The following DNAJC5B variants were observed in gnomAD, a reference collection of about 807,000 sequenced individuals.
The protein encoded by DNAJC5B is DnaJ heat shock protein family (Hsp40) member C5 beta, also known as dnaJ homolog subfamily C member 5B.
A neutral mutation model predicts 24.7 loss-of-function variants in DNAJC5B; 23 were observed. The observed-to-expected ratio is 0.93, with a 90% CI of 0.67 to 1.32. The LOEUF (loss-of-function observed/expected upper bound fraction) is 1.32. Ranked by LOEUF, DNAJC5B falls within the 40% of genes most tolerant of loss-of-function variation. The pLI, the probability that DNAJC5B is intolerant of heterozygous loss-of-function variation, is 0.00. For missense variants in DNAJC5B, 238 were observed against 240.8 expected, an observed-to-expected ratio of 0.99 and a Z score of 0.08; for synonymous variants, 101 against 90.1, an observed-to-expected ratio of 1.12 and a Z score of -0.68.
At chr8:66,065,532 C>T (rs957999925) in intron 3 of DNAJC5B, among the ~76,000 whole-genome samples, 4 of 152,228 alleles carry the variant, frequency 2.6e-5, no homozygotes, top group East Asian at 1.9e-4. Flanking sequence ...GGCCCAGTGG[C>T]TCCTGAGTCC....
upstream of DNAJC5B, among the ~76,000 whole-genome samples, chr8:66,019,241 G>A (rs1358455372): frequency 6.6e-6 from 1 of 152,220 alleles, no homozygotes; most frequent in Non-Finnish European, 1.5e-5. Flanking sequence ...GGAATACCCT[G>A]TTCTAAGCAA....
intron 3 of DNAJC5B, among the ~76,000 whole-genome samples, chr8:66,058,908 T>C (rs1807024311): frequency 6.6e-6 from 1 of 152,184 alleles, no homozygotes; most frequent in Admixed American, 6.5e-5. Flanking sequence ...TCTTTTTTTT[T>C]CAAGGGATGC....
intron 3 of DNAJC5B, among the ~76,000 whole-genome samples, chr8:66,065,930 G>A (rs940326780): frequency 1.3e-5 from 2 of 152,158 alleles, no homozygotes; most frequent in African/African-American, 4.8e-5. Context: ...AACTATAAAA[G>A]CTTGAGGTCT....
intron 3 of DNAJC5B, 47 bp downstream of exon 3, chr8:66,051,713 T>C (rs1806849481): frequency 1.1e-5 from 15 of 1,421,062 alleles, no homozygotes; most frequent in Non-Finnish European, 1.4e-5. Context: ...GTGAGTTATT[T>C]TGTGACTGGC....
At chr8:66,091,569 A>C (rs1379629033) in intron 5 of DNAJC5B, among the ~76,000 whole-genome samples, 2 of 152,166 alleles carry the variant, frequency 1.3e-5, no homozygotes, top group Admixed American at 6.5e-5. Flanking sequence ...TCTATTGAAT[A>C]GTTTTATCAA....
chr8:66,098,256 G>A (rs1807996876), intron 5 of DNAJC5B, among the ~76,000 whole-genome samples: 1 of 152,142 alleles, frequency 6.6e-6, no homozygotes, highest in Non-Finnish European at 1.5e-5. Context: ...AGGCTGGAGT[G>A]CAGTGGCGTG....
rs1047264480 is a variant in DNAJC5B, at chr8:66,053,802, T to C, written c.119+2136T>C. On this transcript the variant is annotated intron_variant, in intron 3 of 5. Coordinates refer to ENST00000276570, the MANE Select transcript of DNAJC5B (RefSeq NM_033105.6). ...CTGTCACCATGCCCGGCTAATTTTG[T>C]ATTTTTAGTAGAGACGGGGTTTCTC... Among the ~76,000 whole-genome samples the C allele has an allele frequency of 3.9e-5, 6 of 152,152 alleles. 1 individual carries two copies. Among genetic ancestry groups the C allele is most frequent in the Admixed American group, 3.3e-4 (5 of 15,280 alleles).
At chr8:66,062,987 G>A (rs552462766) in intron 3 of DNAJC5B, among the ~76,000 whole-genome samples, 8 of 152,342 alleles carry the variant, frequency 5.3e-5, no homozygotes, top group South Asian at 2.1e-4. Flanking sequence ...TCCAGCCTAC[G>A]TGGCAGAGTG....
chr8:66,032,520 A>C (rs916794643), intron 1 of DNAJC5B, among the ~76,000 whole-genome samples: 2 of 152,200 alleles, frequency 1.3e-5, no homozygotes, highest in Admixed American at 6.5e-5. Flanking sequence ...AGGCAGTGAC[A>C]GTGCCCCCAT....
intron 1 of DNAJC5B, among the ~76,000 whole-genome samples, chr8:66,031,310 G>T (rs539785287): frequency 6.6e-6 from 1 of 152,018 alleles, no homozygotes; most frequent in Admixed American, 6.5e-5. Flanking sequence ...CATCTGAATG[G>T]CATACAAATA....
intron 1 of DNAJC5B, among the ~76,000 whole-genome samples, chr8:66,022,580 AAC>A (rs1806159640): frequency 6.6e-6 from 1 of 152,228 alleles, no homozygotes; most frequent in South Asian, 2.1e-4. Context: ...AGGGGACCCC[AAC>A]AGCCATCGAC....
chr8:66,087,891 T>G (rs1374144706), intron 5 of DNAJC5B, among the ~76,000 whole-genome samples: 1 of 152,178 alleles, frequency 6.6e-6, no homozygotes, highest in Non-Finnish European at 1.5e-5. Context: ...TTTTCCAGGT[T>G]CTTGGTGCAA....
At chr8:66,077,970 G>A (rs901540510) in intron 4 of DNAJC5B, among the ~76,000 whole-genome samples, 72 of 152,266 alleles carry the variant, frequency 4.7e-4, no homozygotes, top group Middle Eastern at 6.8e-3. Context: ...TGTACACACC[G>A]ACAATGTCAT....
At chr8:66,058,487 A>G (rs1807013947) in intron 3 of DNAJC5B, among the ~76,000 whole-genome samples, 1 of 152,346 alleles carries the variant, frequency 6.6e-6, no homozygotes, top group East Asian at 1.9e-4. Context: ...GCTCTGATTC[A>G]GGGAATCACA....
At chr8:66,095,456 C>T (rs1807930546) in intron 5 of DNAJC5B, among the ~76,000 whole-genome samples, 1 of 151,648 alleles carries the variant, frequency 6.6e-6, no homozygotes, top group African/African-American at 2.4e-5. Context: ...ACAATATTAT[C>T]AGTCTTCTCA....
At chr8:66,055,311 A>T (rs921235646) in intron 3 of DNAJC5B, among the ~76,000 whole-genome samples, 14 of 152,200 alleles carry the variant, frequency 9.2e-5, no homozygotes, top group Admixed American at 5.9e-4. Flanking sequence ...TCCACTGAGA[A>T]TATTATTCTT....
chr8:66,099,275 T>C (rs1332821551), intron 5 of DNAJC5B, among the ~76,000 whole-genome samples: 1 of 151,938 alleles, frequency 6.6e-6, no homozygotes, highest in African/African-American at 2.4e-5. Flanking sequence ...TGCCAACTTG[T>C]GTATTCATTG....
intron 1 of DNAJC5B, among the ~76,000 whole-genome samples, chr8:66,032,262 G>T (rs964803505): frequency 6.6e-6 from 1 of 152,240 alleles, no homozygotes; most frequent in Non-Finnish European, 1.5e-5. Context: ...ATGGAGAAGA[G>T]CTGAAGGCAT....
rs1806845494 is a variant in DNAJC5B, at chr8:66,051,586, G to A, written c.39G>A (p.Leu13=). The A allele has an allele frequency of 6.2e-7, 1 of 1,614,060 alleles. No homozygotes were observed. The highest frequency in any genetic ancestry group is 8.5e-7 in the Non-Finnish European group (1 of 1,180,000). The part of the protein sequence containing the change: ...CNIPNQRQRT[L]STTGEALYEI... The stretch of plus-strand genomic sequence containing the variant: ...TACCTAACCAAAGACAGCGGACTCT[G>A]TCAACAACAGGAGAAGCTCTATACG... The change falls in exon 3 of 6, where the codon CTG becomes CTA. Residue 13 remains leucine (L), a synonymous_variant. Transcript: ENST00000276570.
Sources: gnomAD v4.1 joint callset for allele counts (sites outside exome capture counted in the v4.1 genomes callset) on GRCh38, gnomAD v4.1.1 for gene constraint, MANE v1.5 for transcripts, NCBI Gene and HGNC (gene_info 2026-07-23, HGNC 2026-07-21) for gene names.